GRK3: variants seen among roughly 807,000 people sequenced by gnomAD.
The protein encoded by GRK3 is G protein-coupled receptor kinase 3, also known as adrenergic, beta, receptor kinase 2.
GRK3 carries 54 observed loss-of-function variants against 95.7 expected under a neutral mutation model. That is an observed-to-expected ratio of 0.56 (90% CI 0.45 to 0.71). The LOEUF (loss-of-function observed/expected upper bound fraction) is 0.71, where lower values mean the gene tolerates loss of function less well. Ranked by LOEUF, GRK3 falls within the 30% of genes least tolerant of loss-of-function variation. The probability of loss-of-function intolerance (pLI) is 0.00; values close to 1 mark genes in which losing one functional copy is unlikely to be tolerated. For missense variants in GRK3, 649 were observed against 851.2 expected (o/e 0.76, Z 2.96); for synonymous variants, 281 against 290.8 (o/e 0.97, Z 0.34).
chr22:25,637,154 C>G (rs566825694), intron 2 of GRK3, among the ~76,000 whole-genome samples: 1 of 150,756 alleles, frequency 6.6e-6, no homozygotes, highest in South Asian at 2.1e-4. Context: ...GTTTCTCAGG[C>G]CTTGAGACTC....
intron 8 of GRK3, among the ~76,000 whole-genome samples, chr22:25,675,163 T>A (rs1421361252): frequency 6.6e-6 from 1 of 152,154 alleles, no homozygotes; most frequent in East Asian, 1.9e-4. Context: ...TCAGATCACA[T>A]GACAAAGAAT....
intron 3 of GRK3, among the ~76,000 whole-genome samples, chr22:25,660,625 G>A (rs1281254258): frequency 2.0e-5 from 3 of 152,096 alleles, no homozygotes; most frequent in African/African-American, 7.2e-5. Flanking sequence ...TGCTGGTTTT[G>A]ATTTCAAAGC....
intron 2 of GRK3, among the ~76,000 whole-genome samples, chr22:25,606,563 C>G (rs2084450424): frequency 6.6e-6 from 1 of 152,142 alleles, no homozygotes; most frequent in African/African-American, 2.4e-5. Flanking sequence ...TCCATGCGTT[C>G]CTGCCCTACT....
rs1283945227 is a variant in GRK3, at chr22:25,725,080, C to T, written c.*2630C>T. 6.6e-6 allele frequency: 1 copy of T among 152,326 alleles called. No homozygotes were observed. The highest frequency in any genetic ancestry group is 1.5e-5 in the Non-Finnish European group (1 of 68,128). The allele number at this position is 152,326 out of a possible 1,614,324, so 9.4% of individuals were successfully genotyped here. A position where few individuals can be genotyped will look rare whatever the true frequency, so the allele number is the denominator to read the frequency against. On this transcript the variant is annotated 3_prime_UTR_variant, in exon 21 of 21. Coordinates refer to ENST00000324198, the MANE Select transcript of GRK3 (RefSeq NM_005160.4). ...TGAACTCTTAGGCTCAAGTGATCCT[C>T]CTTCCTTGGCCTCCCAAAATGCTGG... is the stretch of plus-strand genomic sequence containing the variant.
intron 8 of GRK3, among the ~76,000 whole-genome samples, chr22:25,676,300 T>C (rs2085028489): frequency 6.6e-6 from 1 of 152,254 alleles, no homozygotes; most frequent in Non-Finnish European, 1.5e-5. Context: ...TCCTAAGTGA[T>C]ATACTCTACT....
chr22:25,593,325 C>T (rs1164310316), intron 1 of GRK3, among the ~76,000 whole-genome samples: 1 of 152,054 alleles, frequency 6.6e-6, no homozygotes, highest in African/African-American at 2.4e-5. Flanking sequence ...TCCCATTTCT[C>T]CGAAGACTTG....
At chr22:25,706,621 C>G (rs1013731461) in intron 15 of GRK3, among the ~76,000 whole-genome samples, 3 of 152,168 alleles carry the variant, frequency 2.0e-5, no homozygotes, top group African/African-American at 7.2e-5. Context: ...AACTCTGTCT[C>G]CCAGGTTCAA....
In GRK3 at chr22:25,709,895, C is replaced by T. The variant is rs1274000885; in HGVS notation, c.1329-3C>T. ...AGCACTGTTATGACTCTTTCTCCTC[C>T]AGCTCACAGGAAGTAAAAGAGCACA... is the stretch of plus-strand genomic sequence containing the variant. On this transcript the variant is annotated splice_polypyrimidine_tract_variant and splice_region_variant and intron_variant, in intron 15 of 20. Coordinates refer to ENST00000324198, the MANE Select transcript of GRK3 (RefSeq NM_005160.4). 1.2e-6 allele frequency: 2 copies of T among 1,611,858 alleles called. No individual in the cohort carries two copies. The highest frequency in any genetic ancestry group is 2.7e-5 in the African/African-American group (2 of 74,886).
In GRK3 at chr22:25,729,107, AC is replaced by A. The variant is rs1468788919; in HGVS notation, c.*6658del. 2.6e-5 allele frequency: 4 copies of A among 152,212 alleles called. No individual in the cohort carries two copies. The highest frequency in any genetic ancestry group is 9.6e-5 in the African/African-American group (4 of 41,510). The allele number at this position is 152,212 out of a possible 1,614,324, so 9.4% of individuals were successfully genotyped here. A position where few individuals can be genotyped will look rare whatever the true frequency, so the allele number is the denominator to read the frequency against. On this transcript the variant is annotated 3_prime_UTR_variant, in exon 21 of 21. Transcript: ENST00000324198. ...GGTTTATAATCCCTTCTCAGTATACACTCACTAGTGCACGTCTGAAATAGTA... is the reference window on the plus strand; with the variant it reads ...GGTTTATAATCCCTTCTCAGTATACATCACTAGTGCACGTCTGAAATAGTA...
chr22:25,615,602 G>A (rs2084532064), intron 2 of GRK3, among the ~76,000 whole-genome samples: 1 of 149,228 alleles, frequency 6.7e-6, no homozygotes, highest in Non-Finnish European at 1.5e-5. Flanking sequence ...TCAGTTGTTC[G>A]TTTAATAAAT....
chr22:25,625,483 A>G (rs1408110225), intron 2 of GRK3, among the ~76,000 whole-genome samples: 2 of 152,184 alleles, frequency 1.3e-5, no homozygotes, highest in African/African-American at 4.8e-5. Flanking sequence ...GCCCGTTGCC[A>G]GGCGGACCGT....
intron 9 of GRK3, among the ~76,000 whole-genome samples, chr22:25,680,871 T>C (rs983407051): frequency 6.6e-6 from 1 of 152,146 alleles, no homozygotes; most frequent in Non-Finnish European, 1.5e-5. Flanking sequence ...TTGATCAGAC[T>C]GTATCGGCAG....
chr22:25,679,393 T>C (rs2085057521), intron 9 of GRK3, among the ~76,000 whole-genome samples: 1 of 152,220 alleles, frequency 6.6e-6, no homozygotes, highest in Non-Finnish European at 1.5e-5. Flanking sequence ...TACCTGCCTC[T>C]CACTACCTGC....
chr22:25,694,722 C>G (rs1199251810), intron 12 of GRK3, among the ~76,000 whole-genome samples: 1 of 152,138 alleles, frequency 6.6e-6, no homozygotes, highest in Non-Finnish European at 1.5e-5. Context: ...AGCGCCGCAG[C>G]GTGGTCGCCT....
chr22:25,672,224 C>T, intron 6 of GRK3, 72 bp from the exon 7 acceptor site: 1 of 779,326 alleles, frequency 1.3e-6, no homozygotes, highest in South Asian at 1.6e-5. Flanking sequence ...TCTAGTCTGT[C>T]TTACGGTGTT....
chr22:25,705,482 T>C (rs1178584698), intron 15 of GRK3, among the ~76,000 whole-genome samples: 1 of 152,208 alleles, frequency 6.6e-6, no homozygotes. Flanking sequence ...ATAGGTTAAT[T>C]TCAAAAGTTG....
intron 2 of GRK3, among the ~76,000 whole-genome samples, chr22:25,632,083 G>A (rs928600918): frequency 2.0e-5 from 3 of 152,134 alleles, no homozygotes; most frequent in African/African-American, 7.2e-5. Flanking sequence ...ATACTTAGGA[G>A]TGGGATTATT....
rs1318965703 is a variant in GRK3, at chr22:25,727,744, T to A, written c.*5294T>A. On this transcript the variant is annotated 3_prime_UTR_variant, in exon 21 of 21. Coordinates refer to ENST00000324198, the MANE Select transcript of GRK3 (RefSeq NM_005160.4). The stretch of plus-strand genomic sequence containing the variant: ...CTTCCATTTTTAATTTTGTCCTAAA[T>A]ATCAGATGTCTTTGATGTAAGGGTA... The A allele has an allele frequency of 5.3e-5, 8 of 152,232 alleles. No individual in the cohort carries two copies. The highest frequency in any genetic ancestry group is 1.9e-4 in the African/African-American group (8 of 41,468). The allele number at this position is 152,232 out of a possible 1,614,324, so 9.4% of individuals were successfully genotyped here.
intron 7 of GRK3, among the ~76,000 whole-genome samples, chr22:25,673,432 T>C (rs1001361772): frequency 2.6e-5 from 4 of 151,938 alleles, no homozygotes; most frequent in African/African-American, 7.3e-5. Context: ...TTTTTTTTTT[T>C]CAATTTCTAA....
Sources: gnomAD v4.1 joint callset for allele counts (sites outside exome capture counted in the v4.1 genomes callset) on GRCh38, gnomAD v4.1.1 for gene constraint, MANE v1.5 for transcripts, NCBI Gene and HGNC (gene_info 2026-07-23, HGNC 2026-07-21) for gene names.